Variants in NPBWR1 observed in about 807,000 individuals in gnomAD.
NPBWR1 encodes the protein neuropeptides B and W receptor 1.
A neutral mutation model predicts 2.8 loss-of-function variants in NPBWR1; 4 were observed. The ratio of observed to expected loss-of-function variants is 1.44; its 90% CI spans 0.71 to 3.29. The LOEUF (loss-of-function observed/expected upper bound fraction) is 3.29, where lower values mean the gene tolerates loss of function less well. Among genes scored for constraint, NPBWR1 ranks in the 30% most tolerant of loss-of-function variants. The pLI, the probability that NPBWR1 is intolerant of heterozygous loss-of-function variation, is 0.01. For missense variants in NPBWR1, 545 were observed against 462.5 expected, an observed-to-expected ratio of 1.18 and a Z score of -1.64; for synonymous variants, 250 against 224.5, an observed-to-expected ratio of 1.11 and a Z score of -1.02.
At position 52,941,306 on chromosome 8, in the gene NPBWR1, T is replaced by C. The variant is rs1368305715; in HGVS notation, c.*412T>C. 4.5e-4 allele frequency among the ~76,000 whole-genome samples: 68 copies of C among 151,762 alleles called. 1 individual carries two copies. Among genetic ancestry groups the C allele is most frequent in the Non-Finnish European group, 1.5e-5 (1 of 67,906 alleles). On this transcript the variant is annotated 3_prime_UTR_variant, in exon 2 of 2. Transcript: ENST00000674939. ...CCTTCGAAGGGAGGCCCGAGGACGC[T>C]GCCGGCGCCCCCAGGCGTCGGCTCC... is the stretch of plus-strand genomic sequence containing the variant.
In NPBWR1 at chr8:52,940,429, AGTCT is replaced by A. The variant is rs1301232172; in HGVS notation, c.523_526del (p.Val175SerfsTer4). The A allele has an allele frequency of 6.3e-7, 1 of 1,598,376 alleles. No individual in the cohort carries two copies. The highest frequency in any genetic ancestry group is 8.5e-7 in the Non-Finnish European group (1 of 1,177,576). On this transcript the variant is annotated frameshift_variant, in exon 2 of 2. Transcript: ENST00000674939. LOFTEE classifies it low-confidence loss of function (END_TRUNC). ...TCACACTCGTCGTGCTGCCCTTCGC[AGTCT>A]TCGCCCGGCTAGACGACGAGCAGGG... is the stretch of plus-strand genomic sequence containing the variant.
At position 52,942,668 on chromosome 8, in the gene NPBWR1, CCTCT is replaced by C. The variant is rs915745046; in HGVS notation, c.*1777_*1780del. ...CCTTGGAATGGGGGGAAGCAAACCC[CCTCT>C]CTAATTTTGGTGAATAAGAATTGCT... On this transcript the variant is annotated 3_prime_UTR_variant, in exon 2 of 2. Transcript: ENST00000674939. Among the ~76,000 whole-genome samples, 1 of 152,084 alleles carries C rather than the reference CCTCT, an allele frequency of 6.6e-6. No homozygotes were observed. Among genetic ancestry groups the C allele is most frequent in the African/African-American group, 2.4e-5 (1 of 41,410 alleles).
Position 52,940,369 on chromosome 8 carries a change from C to T in NPBWR1, c.462C>T (p.Ala154=). The T allele has an allele frequency of 1.9e-6, 3 of 1,605,142 alleles. No homozygotes were observed. The highest frequency in any genetic ancestry group is 1.1e-5 in the South Asian group (1 of 90,832). Residue 154 remains alanine (A), a synonymous_variant, in exon 2 of 2, where the codon GCC becomes GCT. Coordinates refer to ENST00000674939, the MANE Select transcript of NPBWR1 (RefSeq NM_005285.5). ...SRRVAGRTYS[A]ARAVSLAVWG... is the part of the protein sequence containing the mutation. ...GGGTGGCCGGCCGCACCTACAGCGCCGCGCGCGCGGTGAGCCTGGCCGTGT... is the reference window on the plus strand; with the variant it reads ...GGGTGGCCGGCCGCACCTACAGCGCTGCGCGCGCGGTGAGCCTGGCCGTGT...
rs1585511430 is a variant in NPBWR1, at chr8:52,939,794, A to G, written c.-114A>G. On this transcript the variant is annotated 5_prime_UTR_variant, in exon 2 of 2. Coordinates refer to ENST00000674939, the MANE Select transcript of NPBWR1 (RefSeq NM_005285.5). ...GGAAAAACCAGAGAACGGCTTGGAG[A>G]GCTGAAACGAGCGTCCGCGAGCAGG... 1 of 1,193,970 alleles carries G rather than the reference A, an allele frequency of 8.4e-7. No homozygotes were observed. The highest frequency in any genetic ancestry group is 1.1e-6 in the Non-Finnish European group (1 of 887,152). 74.0% of individuals were successfully genotyped at this position (1,193,970 alleles called of 1,614,324 possible). A position where few individuals can be genotyped will look rare whatever the true frequency, so the allele number is the denominator to read the frequency against.
rs1421752994 is a variant in NPBWR1, at chr8:52,941,717, T to C, written c.*823T>C. Among the ~76,000 whole-genome samples, 2 of 152,310 alleles carry C rather than the reference T, an allele frequency of 1.3e-5. No individual in the cohort carries two copies. The highest frequency in any genetic ancestry group is 3.9e-4 in the East Asian group (2 of 5,152). On this transcript the variant is annotated 3_prime_UTR_variant, in exon 2 of 2. Transcript: ENST00000674939. ...TCCCTTTCCTATCCGTGATCTCCCC[T>C]GAAAATGTCAGACTCCCGGAGCAAG...
chr8:52,943,561 C>G lies in NPBWR1; in HGVS notation c.*2667C>G, dbSNP rs1802919691. ...AATTCTTGCAGTTTCTGTGTAAACT[C>G]TATGGTTTGGTTTTACCACTTTGAA... On this transcript the variant is annotated 3_prime_UTR_variant, in exon 2 of 2. Coordinates refer to ENST00000674939, the MANE Select transcript of NPBWR1 (RefSeq NM_005285.5). Among the ~76,000 whole-genome samples, 1 of 152,128 alleles carries G rather than the reference C, an allele frequency of 6.6e-6. No homozygotes were observed. The highest frequency in any genetic ancestry group is 6.5e-5 in the Admixed American group (1 of 15,280).
chr8:52,943,345 G>A lies in NPBWR1; in HGVS notation c.*2451G>A, dbSNP rs1364967501. 6.6e-6 allele frequency among the ~76,000 whole-genome samples: 1 copy of A among 152,216 alleles called. No homozygotes were observed. The highest frequency in any genetic ancestry group is 1.5e-5 in the Non-Finnish European group (1 of 68,024). ...GTCTCAGCAGTTGAGTTCCTCCTGGGCTTTCTGATCACTGGATAAACTGTT... is the reference window on the plus strand; with the variant it reads ...GTCTCAGCAGTTGAGTTCCTCCTGGACTTTCTGATCACTGGATAAACTGTT... On this transcript the variant is annotated 3_prime_UTR_variant, in exon 2 of 2. Coordinates refer to ENST00000674939, the MANE Select transcript of NPBWR1 (RefSeq NM_005285.5).
In NPBWR1 at chr8:52,942,247, G is replaced by A. The variant is rs979388200; in HGVS notation, c.*1353G>A. 1.3e-5 allele frequency among the ~76,000 whole-genome samples: 2 copies of A among 152,204 alleles called. No homozygotes were observed. The highest frequency in any genetic ancestry group is 2.9e-5 in the Non-Finnish European group (2 of 68,040). ...TAGACGGCATCCGGTAGGTAGTCCC[G>A]GTAAACCGGGTAAATACTGGTCCTG... On this transcript the variant is annotated 3_prime_UTR_variant, in exon 2 of 2. Coordinates refer to ENST00000674939, the MANE Select transcript of NPBWR1 (RefSeq NM_005285.5).
chr8:52,940,329 C>T lies in NPBWR1; in HGVS notation c.422C>T (p.Thr141Ile), dbSNP rs746677717. The T allele has an allele frequency of 1.3e-5, 21 of 1,611,518 alleles. 1 individual carries two copies. The highest frequency in any genetic ancestry group is 2.2e-5 in the South Asian group (2 of 91,072). ...SADRYLVVLATAESRRVAGRT... is the reference protein window; with the variant it reads ...SADRYLVVLAIAESRRVAGRT... ...GACCGCTACCTGGTGGTGTTGGCCACTGCGGAGTCGCGCCGGGTGGCCGGC... is the reference window on the plus strand; with the variant it reads ...GACCGCTACCTGGTGGTGTTGGCCATTGCGGAGTCGCGCCGGGTGGCCGGC... The change falls in exon 2 of 2, where the codon ACT (threonine) becomes ATT (isoleucine). Residue 141 changes from threonine to isoleucine, a missense_variant. Coordinates refer to ENST00000674939, the MANE Select transcript of NPBWR1 (RefSeq NM_005285.5).
Position 52,940,551 on chromosome 8 carries a change from C to A in NPBWR1, c.644C>A (p.Pro215His). The change falls in exon 2 of 2, where the codon CCC becomes CAC. Residue 215 changes from proline to histidine, a missense_variant. Transcript: ENST00000674939. ...LYTLVLGFAI[P>H]VSTICVLYTT... ...ACGCTCGTGCTGGGCTTCGCCATCC[C>A]CGTGTCCACCATCTGTGTCCTCTAT... 1 of 1,597,692 alleles carries A rather than the reference C, an allele frequency of 6.3e-7. No homozygotes were observed.
At chr8:52,939,661 TAAAGTTACACGTCGACGA>T in intron 1 of NPBWR1, 32 bp from the exon 2 acceptor site, 1 of 455,066 alleles carries the variant, frequency 2.2e-6, no homozygotes, top group Non-Finnish European at 3.8e-6. Flanking sequence ...CGCCTATTTC[TAAAGTTACACGTCGACGA>T]ACTAACCTAT....
chr8:52,939,901 C>A lies in NPBWR1; in HGVS notation c.-7C>A, dbSNP rs1465869785. ...GCCAGGTCGCCGGCTCCTCTGCCCT[C>A]GTTGAGATGGACAACGCCTCGTTCT... is the stretch of plus-strand genomic sequence containing the variant. On this transcript the variant is annotated 5_prime_UTR_variant, in exon 2 of 2. Coordinates refer to ENST00000674939, the MANE Select transcript of NPBWR1 (RefSeq NM_005285.5). The A allele has an allele frequency of 2.0e-6, 3 of 1,529,066 alleles. No homozygotes were observed. The highest frequency in any genetic ancestry group is 2.6e-6 in the Non-Finnish European group (3 of 1,148,412). The allele number at this position is 1,529,066 out of a possible 1,614,324, so 94.7% of individuals were successfully genotyped here. A position where few individuals can be genotyped will look rare whatever the true frequency, so the allele number is the denominator to read the frequency against.
rs1802901009 is a variant in NPBWR1, at chr8:52,942,648, G to T, written c.*1754G>T. ...TTTGGAAGGAAAAAACTCCCCCTTGGAATGGGGGGAAGCAAACCCCCTCTC... is the reference window on the plus strand; with the variant it reads ...TTTGGAAGGAAAAAACTCCCCCTTGTAATGGGGGGAAGCAAACCCCCTCTC... On this transcript the variant is annotated 3_prime_UTR_variant, in exon 2 of 2. Coordinates refer to ENST00000674939, the MANE Select transcript of NPBWR1 (RefSeq NM_005285.5). Among the ~76,000 whole-genome samples the T allele has an allele frequency of 1.3e-5, 2 of 152,264 alleles. No individual in the cohort carries two copies. The highest frequency in any genetic ancestry group is 2.1e-4 in the South Asian group (1 of 4,820).
Position 52,939,292 on chromosome 8 carries a change from C to G in NPBWR1, c.-272C>G, listed in dbSNP as rs944978862. The G allele has an allele frequency of 2.0e-5, 3 of 152,262 alleles. No individual in the cohort carries two copies. The highest frequency in any genetic ancestry group is 4.8e-5 in the African/African-American group (2 of 41,462). The allele number at this position is 152,262 out of a possible 1,614,324, so 9.4% of individuals were successfully genotyped here. On this transcript the variant is annotated 5_prime_UTR_variant, in exon 1 of 2. Transcript: ENST00000674939. ...AGGCGGACACCCAGCCGGCAGGCGT[C>G]TCAGCCTCCCCGCAGCCGGCGGGCT...
chr8:52,940,641 C>T lies in NPBWR1; in HGVS notation c.734C>T (p.Ala245Val), dbSNP rs752240874. Reference sequence around the variant, plus strand: ...AGCCACGCCAAGGCCCTGGAGCGCGCCAAGAAGCGGGTGACCTTCCTGGTG... The same window carrying T: ...AGCCACGCCAAGGCCCTGGAGCGCGTCAAGAAGCGGGTGACCTTCCTGGTG... ...LDSHAKALER[A>V]KKRVTFLVVA... Residue 245 changes from alanine to valine, a missense_variant, in exon 2 of 2, where the codon GCC (alanine) becomes GTC (valine). Coordinates refer to ENST00000674939, the MANE Select transcript of NPBWR1 (RefSeq NM_005285.5). 5.0e-6 allele frequency: 8 copies of T among 1,610,120 alleles called. No homozygotes were observed. The highest frequency in any genetic ancestry group is 4.0e-5 in the African/African-American group (3 of 74,914).
Position 52,942,884 on chromosome 8 carries a change from C to T in NPBWR1, c.*1990C>T, listed in dbSNP as rs560184310. 2.6e-4 allele frequency among the ~76,000 whole-genome samples: 39 copies of T among 152,300 alleles called. No individual in the cohort carries two copies. The highest frequency in any genetic ancestry group is 1.9e-4 in the African/African-American group (8 of 41,552). On this transcript the variant is annotated 3_prime_UTR_variant, in exon 2 of 2. Coordinates refer to ENST00000674939, the MANE Select transcript of NPBWR1 (RefSeq NM_005285.5). ...TTTGAACAGGCCTCTCTCTGCTGGCCGGCTTCGGAGGCTTCTTGGAATTCA... is the reference window on the plus strand; with the variant it reads ...TTTGAACAGGCCTCTCTCTGCTGGCTGGCTTCGGAGGCTTCTTGGAATTCA...
chr8:52,940,925 G>A lies in NPBWR1; in HGVS notation c.*31G>A, dbSNP rs1860187761. On this transcript the variant is annotated 3_prime_UTR_variant, in exon 2 of 2. Coordinates refer to ENST00000674939, the MANE Select transcript of NPBWR1 (RefSeq NM_005285.5). ...CCAGCGTCCGGCTCCGCAACTGCCCGCCACTCCTGGCCAGCGAGGGAGGAG... is the reference window on the plus strand; with the variant it reads ...CCAGCGTCCGGCTCCGCAACTGCCCACCACTCCTGGCCAGCGAGGGAGGAG... 1.9e-6 allele frequency: 3 copies of A among 1,560,008 alleles called. No homozygotes were observed. Among genetic ancestry groups the A allele is most frequent in the East Asian group, 2.3e-5 (1 of 44,178 alleles).
chr8:52,940,091 T>C lies in NPBWR1; in HGVS notation c.184T>C (p.Leu62=), dbSNP rs1860165057. The C allele has an allele frequency of 3.1e-6, 5 of 1,611,918 alleles. No homozygotes were observed. In the East Asian group the frequency reaches 1.1e-4, roughly 36 times the overall value. ...LAGNSAVLYV[L]LRAPRMKTVT... is the part of the protein sequence containing the mutation. ...GGGCAACTCCGCCGTGCTGTACGTG[T>C]TGCTGCGGGCGCCCCGCATGAAGAC... The change falls in exon 2 of 2, where the codon TTG becomes CTG. Residue 62 remains leucine (L), a synonymous_variant. Transcript: ENST00000674939.
rs1802910566 is a variant in NPBWR1 at position 52,943,137 on chromosome 8, T to A, written c.*2243T>A. Among the ~76,000 whole-genome samples the A allele has an allele frequency of 6.6e-6, 1 of 152,230 alleles. No individual in the cohort carries two copies. The highest frequency in any genetic ancestry group is 2.4e-5 in the African/African-American group (1 of 41,440). On this transcript the variant is annotated 3_prime_UTR_variant, in exon 2 of 2. Transcript: ENST00000674939. Reference sequence around the variant, plus strand: ...CATCTGTCTTAATAAGCTCAGTAACTGGACTCAGATGGGGGACAGCTGAGT... The same window carrying A: ...CATCTGTCTTAATAAGCTCAGTAACAGGACTCAGATGGGGGACAGCTGAGT...
Sources: allele counts gnomAD v4.1 joint callset (sites outside exome capture counted in the v4.1 genomes callset), GRCh38; gene constraint gnomAD v4.1.1; transcripts MANE v1.5; gene names NCBI Gene and HGNC (gene_info 2026-07-23, HGNC 2026-07-21).